Variants in ANXA8 observed in about 807,000 individuals in gnomAD.
ANXA8 encodes the protein annexin A8.
In ANXA8, 9 loss-of-function variants were observed where a neutral mutation model predicts 26.8. The ratio of observed to expected loss-of-function variants is 0.34; its 90% CI spans 0.20 to 0.59. The LOEUF (loss-of-function observed/expected upper bound fraction) is 0.59. ANXA8 is among the 20% of genes least tolerant of loss of function. The probability of loss-of-function intolerance (pLI) is 0.84; values close to 1 mark genes in which losing one functional copy is unlikely to be tolerated. For missense variants in ANXA8, 83 were observed against 238.5 expected (o/e 0.35, Z 4.29); for synonymous variants, 39 against 94.8 (o/e 0.41, Z 3.42).
chr10:47,653,502 C>G, the ANXA8 span, among the ~76,000 whole-genome samples: 1 of 151,696 alleles, frequency 6.6e-6, no homozygotes, highest in Non-Finnish European at 1.5e-5. Flanking sequence ...TTTAATAACT[C>G]CAGTAGTTCT....
At chr10:47,671,312 C>T in the ANXA8 span, among the ~76,000 whole-genome samples, 1 of 151,702 alleles carries the variant, frequency 6.6e-6, no homozygotes, top group Non-Finnish European at 1.5e-5. Context: ...GTCCTAGCTA[C>T]TTGCGAGTCT....
At chr10:47,589,557 G>A in the ANXA8 span, 1 of 146,286 alleles carries the variant, frequency 6.8e-6, no homozygotes, top group South Asian at 2.1e-4. Flanking sequence ...CGACTGTATG[G>A]GGGAGCTGAA....
At chr10:47,952,065 G>A in the ANXA8 span, among the ~76,000 whole-genome samples, 4 of 150,430 alleles carry the variant, frequency 2.7e-5, no homozygotes, top group African/African-American at 9.9e-5. Flanking sequence ...CATTCACGAT[G>A]TACTTTTTTT....
chr10:47,612,627 A>G, the ANXA8 span, among the ~76,000 whole-genome samples: 3 of 73,268 alleles, frequency 4.1e-5, 1 homozygote, highest in East Asian at 7.9e-4. Context: ...AGCTTTTTAA[A>G]GAGGGGATTG....
At chr10:47,668,108 G>GT in the ANXA8 span, among the ~76,000 whole-genome samples, 94 of 150,336 alleles carry the variant, frequency 6.3e-4, no homozygotes, top group Middle Eastern at 6.8e-3. Context: ...TATTTCACTG[G>GT]TTTTTTTTCC....
At chr10:47,645,617 A>G in the ANXA8 span, among the ~76,000 whole-genome samples, 1 of 151,658 alleles carries the variant, frequency 6.6e-6, no homozygotes, top group African/African-American at 2.4e-5. Context: ...GAATTGTCCC[A>G]GACCTCCCTG....
chr10:47,621,496 C>T, the ANXA8 span, among the ~76,000 whole-genome samples: 9 of 111,898 alleles, frequency 8.0e-5, 2 homozygotes, highest in Admixed American at 7.5e-4. Flanking sequence ...TCCATCTGTC[C>T]AACTGACTAC....
chr10:47,483,779 G>A lies in ANXA8; in HGVS notation c.21+134C>T, dbSNP rs1217912293. The A allele has an allele frequency of 1.6e-5, 25 of 1,600,984 alleles. 1 individual carries two copies. In the Admixed American group the frequency reaches 3.0e-4, roughly 19 times the overall value. ...TTCTCGGCCCCTTCCCACCCTCCAT[G>A]CTTGGCCCAGGAGGCAGCCAAATGT... On this transcript the variant is annotated intron_variant, in intron 1 of 11. Transcript: ENST00000585281.
At chr10:47,675,669 A>G in the ANXA8 span, among the ~76,000 whole-genome samples, 2 of 151,664 alleles carry the variant, frequency 1.3e-5, no homozygotes, top group African/African-American at 2.4e-5. Context: ...ACTTAATTTA[A>G]TAAGTAATCT....
the ANXA8 span, among the ~76,000 whole-genome samples, chr10:47,656,946 A>C: frequency 2.0e-5 from 3 of 150,444 alleles, no homozygotes; most frequent in East Asian, 5.8e-4. Flanking sequence ...TGCCTGAGTC[A>C]GTTTACACTG....
chr10:47,486,120 A>C (rs1430639735), upstream of ANXA8, among the ~76,000 whole-genome samples: 1 of 151,526 alleles, frequency 6.6e-6, no homozygotes, highest in Non-Finnish European at 1.5e-5. Context: ...AAAAAAAAAA[A>C]AATCAACAGC....
At chr10:47,493,076 G>A in the ANXA8 span, among the ~76,000 whole-genome samples, 1 of 151,522 alleles carries the variant, frequency 6.6e-6, no homozygotes, top group Non-Finnish European at 1.5e-5. Flanking sequence ...TGGGCAGCAG[G>A]ACCTCTGGGT....
At chr10:47,954,840 T>C in the ANXA8 span, among the ~76,000 whole-genome samples, 5 of 151,148 alleles carry the variant, frequency 3.3e-5, no homozygotes, top group Admixed American at 2.6e-4. Context: ...GACAGTAGAA[T>C]GGATAAGCAA....
the ANXA8 span, among the ~76,000 whole-genome samples, chr10:47,647,216 A>G: frequency 2.6e-5 from 4 of 152,184 alleles, no homozygotes; most frequent in African/African-American, 4.8e-5. Context: ...CTCAATTTGT[A>G]TAGGACTCTT....
At chr10:47,923,577 A>T in the ANXA8 span, 1 of 29,816 alleles carries the variant, frequency 3.4e-5, no homozygotes, top group East Asian at 4.0e-4. Flanking sequence ...GTGCTTCAGA[A>T]GTAAAGAATT....
At chr10:47,905,782 T>G in the ANXA8 span, among the ~76,000 whole-genome samples, 1 of 136,942 alleles carries the variant, frequency 7.3e-6, no homozygotes, top group East Asian at 2.2e-4. Flanking sequence ...AGCTAAAACA[T>G]TGGGCAGTTT....
the ANXA8 span, among the ~76,000 whole-genome samples, chr10:47,636,795 G>A: frequency 6.6e-6 from 1 of 152,078 alleles, no homozygotes; most frequent in Non-Finnish European, 1.5e-5. Context: ...TCCTCAAGAG[G>A]CTTGTAAACT....
At chr10:47,625,776 T>C in the ANXA8 span, among the ~76,000 whole-genome samples, 1 of 150,418 alleles carries the variant, frequency 6.6e-6, no homozygotes, top group Admixed American at 6.6e-5. Flanking sequence ...TATAAATGTA[T>C]TGTTATTCGC....
the ANXA8 span, chr10:47,689,905 T>A: frequency 5.5e-6 from 7 of 1,279,816 alleles, 1 homozygote; most frequent in East Asian, 1.6e-4. Context: ...AGTCCCAGAT[T>A]CTATTGGTTC....
Sources: allele counts gnomAD v4.1 joint callset (sites outside exome capture counted in the v4.1 genomes callset), GRCh38; gene constraint gnomAD v4.1.1; transcripts MANE v1.5; gene names NCBI Gene and HGNC (gene_info 2026-07-23, HGNC 2026-07-21).